SP100: variants seen among roughly 807,000 people sequenced by gnomAD.
SP100 encodes nuclear autoantigen Sp-100.
Under a neutral mutation model 130.0 loss-of-function variants are expected in SP100, and 84 were observed. That is an observed-to-expected ratio of 0.65 (90% CI 0.54 to 0.77). SP100 has a LOEUF of 0.77. SP100 is among the 30% of genes least tolerant of loss of function. The pLI, the probability that SP100 is intolerant of heterozygous loss-of-function variation, is 0.00. For missense variants in SP100, 978 were observed against 1,052.2 expected, an observed-to-expected ratio of 0.93 and a Z score of 0.97; for synonymous variants, 331 against 351.7, an observed-to-expected ratio of 0.94 and a Z score of 0.66.
intron 19 of SP100, 137 bp from the exon 20 acceptor site, chr2:230,502,927 CAA>C: frequency 1.6e-6 from 1 of 613,354 alleles, no homozygotes; most frequent in South Asian, 2.4e-5. Context: ...TGTCCCTTTA[CAA>C]AAAAAGTTCC....
At chr2:230,539,411 C>T in intron 25 of SP100, 29 bp downstream of exon 25, 1 of 1,502,292 alleles carries the variant, frequency 6.7e-7, no homozygotes, top group Non-Finnish European at 9.3e-7. Context: ...CTTCCCTGAG[C>T]CCTTCCTTCT....
intron 19 of SP100, among the ~76,000 whole-genome samples, chr2:230,501,940 C>T (rs977230652): frequency 3.9e-5 from 6 of 152,104 alleles, no homozygotes; most frequent in Non-Finnish European, 7.4e-5. Context: ...GTGATCTTGG[C>T]TCGCTGCAAT....
intron 24 of SP100, among the ~76,000 whole-genome samples, chr2:230,529,365 C>T (rs1196602167): frequency 6.6e-6 from 1 of 152,148 alleles, no homozygotes; most frequent in African/African-American, 2.4e-5. Flanking sequence ...AGGCCTTTGA[C>T]AAAATTCAAC....
At chr2:230,514,457 C>G (rs1398026735) in intron 24 of SP100, among the ~76,000 whole-genome samples, 1 of 152,078 alleles carries the variant, frequency 6.6e-6, no homozygotes, top group Admixed American at 6.6e-5. Context: ...ATAATTAAGT[C>G]CAAATTGCAA....
chr2:230,473,772 T>G (rs1437181309), intron 16 of SP100, among the ~76,000 whole-genome samples: 1 of 152,084 alleles, frequency 6.6e-6, no homozygotes, highest in East Asian at 1.9e-4. Context: ...CAGAATGGGC[T>G]CTCTTGGTTA....
rs1047175081 is a variant in SP100 at position 230,464,118 on chromosome 2, A to G, written c.1109A>G (p.Glu370Gly). 1.2e-6 allele frequency: 2 copies of G among 1,613,126 alleles called. No homozygotes were observed. The highest frequency in any genetic ancestry group is 1.7e-5 in the Admixed American group (1 of 60,006). Reference protein sequence around the residue: ...LESNDEKEGQEATCSRPQIVP... With the variant: ...LESNDEKEGQGATCSRPQIVP... ...TCAAATGATGAAAAGGAGGGCCAAG[A>G]AGCCACTTGCTCACGACCCCAGATT... Residue 370 changes from glutamate (E) to glycine (G), a missense_variant, in exon 11 of 29, where the codon GAA (glutamate) becomes GGA (glycine). Glu to Gly is a moderately conservative substitution (Grantham distance 98, BLOSUM62 -2). Coordinates refer to ENST00000340126, the MANE Select transcript of SP100 (RefSeq NM_001080391.2).
rs551269483 is a variant in SP100, at chr2:230,506,358, A to G, written c.1926A>G (p.Glu642=). Residue 642 remains glutamate, a synonymous_variant, in exon 22 of 29, where the codon GAA becomes GAG. Transcript: ENST00000340126. ...ATAAAAAGTGGTTCACTCCCAGGGA[A>G]TTTGAAATTGAAGGAGACCGCGGAG... ...SEDKKWFTPR[E]FEIEGDRGAS... The G allele has an allele frequency of 1.2e-5, 19 of 1,613,964 alleles. No individual in the cohort carries two copies. The highest frequency in any genetic ancestry group is 1.5e-5 in the Non-Finnish European group (18 of 1,179,842).
intron 14 of SP100, chr2:230,469,392 G>C: frequency 2.0e-6 from 1 of 507,606 alleles, no homozygotes; most frequent in East Asian, 5.3e-5. Flanking sequence ...TGGGGGCTCT[G>C]ACATCTTTAA....
At chr2:230,447,924 A>G (rs1391748372) in intron 5 of SP100, among the ~76,000 whole-genome samples, 1 of 152,126 alleles carries the variant, frequency 6.6e-6, no homozygotes, top group Non-Finnish European at 1.5e-5. Context: ...TGGCAACCAC[A>G]CCCCAATCCT....
At chr2:230,476,484 AT>A (rs1406308784) in intron 17 of SP100, among the ~76,000 whole-genome samples, 1 of 151,834 alleles carries the variant, frequency 6.6e-6, no homozygotes, top group South Asian at 2.1e-4. Flanking sequence ...GTAGCCATTT[AT>A]TTTTTTCAAA....
intron 2 of SP100, among the ~76,000 whole-genome samples, chr2:230,418,133 T>G (rs1196731610): frequency 6.6e-6 from 1 of 152,182 alleles, no homozygotes; most frequent in Non-Finnish European, 1.5e-5. Context: ...TAAACAAAAA[T>G]ATTCTTACAT....
At chr2:230,460,220 A>G (rs1024928135) in intron 8 of SP100, among the ~76,000 whole-genome samples, 16 of 152,242 alleles carry the variant, frequency 1.1e-4, no homozygotes, top group Admixed American at 9.2e-4. Flanking sequence ...CATTATTCAT[A>G]GAAGCCAAAT....
chr2:230,436,890 A>ATG (rs2063291286), intron 2 of SP100, among the ~76,000 whole-genome samples: 2 of 149,900 alleles, frequency 1.3e-5, no homozygotes, highest in Non-Finnish European at 3.0e-5. Flanking sequence ...ACACACATAT[A>ATG]TGTGTATACA....
intron 2 of SP100, among the ~76,000 whole-genome samples, chr2:230,423,116 A>G (rs1275727822): frequency 6.6e-6 from 1 of 152,184 alleles, no homozygotes; most frequent in East Asian, 1.9e-4. Flanking sequence ...AAATTATTTG[A>G]AACTGATGTC....
intron 2 of SP100, among the ~76,000 whole-genome samples, chr2:230,433,565 C>G (rs967904896): frequency 6.6e-6 from 1 of 152,032 alleles, no homozygotes; most frequent in Non-Finnish European, 1.5e-5. Flanking sequence ...CATACTGAGT[C>G]TCTAGATCAA....
At chr2:230,523,031 T>G (rs1575801992) in intron 24 of SP100, among the ~76,000 whole-genome samples, 2 of 151,470 alleles carry the variant, frequency 1.3e-5, no homozygotes, top group South Asian at 4.2e-4. Flanking sequence ...CCCAGGCTGG[T>G]CTCAAACTCC....
chr2:230,472,092 A>C (rs2065287883), intron 15 of SP100, among the ~76,000 whole-genome samples: 1 of 152,078 alleles, frequency 6.6e-6, no homozygotes, highest in Non-Finnish European at 1.5e-5. Context: ...TAGATGAAGA[A>C]AATGTGGATA....
intron 2 of SP100, among the ~76,000 whole-genome samples, chr2:230,427,247 T>G (rs2062960618): frequency 6.6e-6 from 1 of 152,038 alleles, no homozygotes; most frequent in African/African-American, 2.4e-5. Flanking sequence ...TTGCAACCTC[T>G]GCCTCCCGGG....
At chr2:230,427,254 C>T (rs978217370) in intron 2 of SP100, among the ~76,000 whole-genome samples, 3 of 151,938 alleles carry the variant, frequency 2.0e-5, no homozygotes, top group Admixed American at 6.5e-5. Flanking sequence ...CTCTGCCTCC[C>T]GGGTTCAAGC....
Sources: gnomAD v4.1 joint callset for allele counts (sites outside exome capture counted in the v4.1 genomes callset) on GRCh38, gnomAD v4.1.1 for gene constraint, MANE v1.5 for transcripts, NCBI Gene and HGNC (gene_info 2026-07-23, HGNC 2026-07-21) for gene names.